RERE: variants seen among roughly 807,000 people sequenced by gnomAD.
The protein encoded by RERE is arginine-glutamic acid dipeptide repeats protein.
A neutral mutation model predicts 146.1 loss-of-function variants in RERE; 40 were observed. The ratio of observed to expected loss-of-function variants is 0.27; its 90% CI spans 0.21 to 0.36. The LOEUF is 0.36. RERE is among the 10% of genes least tolerant of loss of function. The pLI is 1.00. For missense variants in RERE, 1,933 were observed against 2,138.7 expected (o/e 0.90, Z 1.90); for synonymous variants, 1,003 against 866.0 (o/e 1.16, Z -2.78).
rs75184602 is a variant in RERE, at chr1:8,722,649, T to G, written c.-144-66208A>C. 1.1e-3 allele frequency among the ~76,000 whole-genome samples: 168 copies of G among 152,338 alleles called. 3 individuals carry two copies. In the East Asian group the frequency reaches 0.029, roughly 26 times the overall value. Reference sequence around the variant, plus strand: ...CTTCTGTACTAAACATGTATAGAATTTTTTAAGTCTTTATTCCATAAACAA... The same window carrying G: ...CTTCTGTACTAAACATGTATAGAATGTTTTAAGTCTTTATTCCATAAACAA... On this transcript the variant is annotated intron_variant, in intron 1 of 22. Transcript: ENST00000400908.
At chr1:8,650,883 G>A (rs998385825) in intron 2 of RERE, among the ~76,000 whole-genome samples, 1 of 143,364 alleles carries the variant, frequency 7.0e-6, no homozygotes, top group Admixed American at 7.1e-5. Flanking sequence ...GCGACAGAGT[G>A]AGACTCCATC....
chr1:8,687,857 A>G (rs1639125275), intron 1 of RERE, among the ~76,000 whole-genome samples: 1 of 152,358 alleles, frequency 6.6e-6, no homozygotes, highest in Non-Finnish European at 1.5e-5. Context: ...AACATCTTAT[A>G]TTCTTATTCA....
chr1:8,525,171 A>G (rs1322143173), intron 7 of RERE, among the ~76,000 whole-genome samples: 3 of 152,216 alleles, frequency 2.0e-5, no homozygotes, highest in Non-Finnish European at 4.4e-5. Flanking sequence ...AAAAAAATCA[A>G]TTTTAAGGTG....
At chr1:8,576,356 T>C (rs1022951456) in intron 4 of RERE, among the ~76,000 whole-genome samples, 4 of 152,238 alleles carry the variant, frequency 2.6e-5, no homozygotes, top group African/African-American at 9.6e-5. Flanking sequence ...AAAAGCCATT[T>C]TGACAAACAA....
intron 4 of RERE, among the ~76,000 whole-genome samples, chr1:8,587,656 A>C (rs1646442145): frequency 6.6e-6 from 1 of 152,212 alleles, no homozygotes; most frequent in South Asian, 2.1e-4. Flanking sequence ...TTGGCTCCCC[A>C]GTGACCAACA....
At chr1:8,377,217 A>G (rs1460157715) in intron 12 of RERE, among the ~76,000 whole-genome samples, 1 of 152,226 alleles carries the variant, frequency 6.6e-6, no homozygotes, top group African/African-American at 2.4e-5. Flanking sequence ...CTGGCCTGGA[A>G]GCCCTGGGCA....
At chr1:8,500,499 C>T (rs1203512275) in intron 8 of RERE, among the ~76,000 whole-genome samples, 1 of 152,190 alleles carries the variant, frequency 6.6e-6, no homozygotes, top group Non-Finnish European at 1.5e-5. Context: ...GACGGAGTCT[C>T]GTTCACTCAG....
intron 20 of RERE, among the ~76,000 whole-genome samples, chr1:8,357,278 C>A (rs2124356651): frequency 6.6e-6 from 1 of 152,348 alleles, no homozygotes; most frequent in Non-Finnish European, 1.5e-5. Context: ...GTCCTCAACA[C>A]TGCTCATACT....
intron 12 of RERE, among the ~76,000 whole-genome samples, chr1:8,421,222 A>C (rs1436297450): frequency 6.6e-6 from 1 of 152,226 alleles, no homozygotes; most frequent in African/African-American, 2.4e-5. Context: ...CGATCAGGAG[A>C]AATCTACTCA....
At chr1:8,672,224 G>A (rs375810097) in intron 1 of RERE, among the ~76,000 whole-genome samples, 9 of 152,060 alleles carry the variant, frequency 5.9e-5, no homozygotes, top group South Asian at 2.1e-4. Flanking sequence ...CCCAGGCTGC[G>A]ATGCCAAGGC....
chr1:8,406,986 C>T (rs766180697), intron 12 of RERE, among the ~76,000 whole-genome samples: 1 of 152,200 alleles, frequency 6.6e-6, no homozygotes, highest in African/African-American at 2.4e-5. Flanking sequence ...AAATCTACTT[C>T]ATCAAAGATC....
intron 1 of RERE, among the ~76,000 whole-genome samples, chr1:8,783,859 A>T (rs1641213083): frequency 6.6e-6 from 1 of 152,128 alleles, no homozygotes; most frequent in Non-Finnish European, 1.5e-5. Flanking sequence ...GGTCCCCAGA[A>T]AGATATGTCC....
intron 11 of RERE, among the ~76,000 whole-genome samples, chr1:8,459,585 C>G (rs955403592): frequency 6.6e-6 from 1 of 152,154 alleles, no homozygotes; most frequent in Non-Finnish European, 1.5e-5. Context: ...AATGTTCTGA[C>G]TCAACTCACA....
At chr1:8,726,939 G>A (rs990314497) in intron 1 of RERE, among the ~76,000 whole-genome samples, 1 of 151,914 alleles carries the variant, frequency 6.6e-6, no homozygotes, top group Admixed American at 6.6e-5. Context: ...CAGAGTAGCT[G>A]GGATCACAGC....
chr1:8,641,041 T>C (rs143874750), intron 2 of RERE, among the ~76,000 whole-genome samples: 4 of 152,340 alleles, frequency 2.6e-5, no homozygotes, highest in East Asian at 3.9e-4. Flanking sequence ...TCCATCTTCA[T>C]AGACAGTATT....
At chr1:8,418,092 T>C (rs573346221) in intron 12 of RERE, among the ~76,000 whole-genome samples, 48 of 152,312 alleles carry the variant, frequency 3.2e-4, no homozygotes, top group South Asian at 1.2e-3. Flanking sequence ...GGTATGTAAA[T>C]GTCGTGCTGG....
intron 2 of RERE, among the ~76,000 whole-genome samples, chr1:8,634,986 C>T (rs775166937): frequency 1.3e-5 from 2 of 152,200 alleles, no homozygotes; most frequent in Non-Finnish European, 2.9e-5. Flanking sequence ...CCGCCTGCCT[C>T]AGCCTCTCAA....
At chr1:8,789,301 A>AAAAAAAAAAAAAAAATATATATAT in intron 1 of RERE, among the ~76,000 whole-genome samples, 2 of 24,824 alleles carry the variant, frequency 8.1e-5, no homozygotes, top group Non-Finnish European at 1.3e-4. Context: ...AAAAAAAAAA[A>AAAAAAAAAAAAAAAATATATATAT]ATATATATAT....
intron 8 of RERE, among the ~76,000 whole-genome samples, chr1:8,501,034 G>GT (rs1412649059): frequency 2.2e-5 from 3 of 133,530 alleles, no homozygotes; most frequent in African/African-American, 3.3e-5. Flanking sequence ...GTCCGGGAGG[G>GT]GGGGGGGGGG....
Sources: allele counts gnomAD v4.1 joint callset (sites outside exome capture counted in the v4.1 genomes callset), GRCh38; gene constraint gnomAD v4.1.1; transcripts MANE v1.5; gene names NCBI Gene and HGNC (gene_info 2026-07-23, HGNC 2026-07-21).